The following SDK1 variants were observed in gnomAD, a reference collection of about 807,000 sequenced individuals.
SDK1 encodes the protein protein sidekick-1.
In SDK1, 157 loss-of-function variants were observed where a neutral mutation model predicts 245.5. The observed-to-expected ratio is 0.64, with a 90% CI of 0.56 to 0.73. SDK1 has a LOEUF of 0.73. Ranked by LOEUF, SDK1 falls within the 30% of genes least tolerant of loss-of-function variation. SDK1 has a pLI of 0.00. For missense variants in SDK1, 3,583 were observed against 3,002.3 expected (o/e 1.19, Z -4.52); for synonymous variants, 1,647 against 1,278.5 (o/e 1.29, Z -6.15).
intron 14 of SDK1, among the ~76,000 whole-genome samples, chr7:4,010,325 G>A (rs548198427): frequency 7.2e-5 from 11 of 152,126 alleles, no homozygotes; most frequent in Admixed American, 4.6e-4. Context: ...AGAACCTTCG[G>A]AAGCCTTGCC....
At chr7:3,705,661 C>T (rs563807110) in intron 4 of SDK1, among the ~76,000 whole-genome samples, 24 of 151,888 alleles carry the variant, frequency 1.6e-4, no homozygotes, top group Non-Finnish European at 2.6e-4. Context: ...TTAGAGGAGT[C>T]TTTAGGGTTT....
At chr7:3,662,588 T>C (rs567518942) in intron 4 of SDK1, among the ~76,000 whole-genome samples, 284 of 152,280 alleles carry the variant, frequency 1.9e-3, no homozygotes, top group Non-Finnish European at 2.9e-3. Context: ...GCGGGGACGA[T>C]TGGGAGCTCA....
intron 2 of SDK1, among the ~76,000 whole-genome samples, chr7:3,624,444 C>T (rs1226027872): frequency 6.6e-6 from 1 of 152,102 alleles, no homozygotes; most frequent in Admixed American, 6.5e-5. Flanking sequence ...AGTGATCTGC[C>T]AGCCTTGACC....
chr7:3,999,116 C>A (rs1273449506), intron 14 of SDK1, among the ~76,000 whole-genome samples: 1 of 152,070 alleles, frequency 6.6e-6, no homozygotes, highest in Non-Finnish European at 1.5e-5. Flanking sequence ...TAGGAGATAT[C>A]TCTCCCCAAA....
At chr7:3,873,326 G>A (rs986709538) in intron 5 of SDK1, among the ~76,000 whole-genome samples, 1 of 152,078 alleles carries the variant, frequency 6.6e-6, no homozygotes, top group Non-Finnish European at 1.5e-5. Context: ...TTGCTCCTCT[G>A]TAGGCAATAT....
chr7:4,201,452 C>T (rs1783874532), intron 35 of SDK1, among the ~76,000 whole-genome samples: 1 of 152,180 alleles, frequency 6.6e-6, no homozygotes, highest in Non-Finnish European at 1.5e-5. Context: ...GAGGAATATA[C>T]AATTTTTAAA....
chr7:3,627,143 C>T (rs74756425), intron 2 of SDK1, among the ~76,000 whole-genome samples: 6 of 151,970 alleles, frequency 3.9e-5, no homozygotes, highest in African/African-American at 7.3e-5. Context: ...TGCCGAGGCT[C>T]GTCTCAAACT....
At chr7:4,071,205 A>C (rs1040091678) in intron 20 of SDK1, among the ~76,000 whole-genome samples, 13 of 151,238 alleles carry the variant, frequency 8.6e-5, no homozygotes, top group Admixed American at 5.3e-4. Context: ...TTGTATTTTT[A>C]GTAGAGACAG....
chr7:3,525,177 C>T (rs1406954197), intron 1 of SDK1, among the ~76,000 whole-genome samples: 2 of 151,880 alleles, frequency 1.3e-5, no homozygotes, highest in Non-Finnish European at 2.9e-5. Flanking sequence ...ACTTGAGCAT[C>T]TGAGGTTTTG....
Position 3,773,777 on chromosome 7 carries a change from A to AGG in SDK1, c.714-47672_714-47671dup, listed in dbSNP as rs146928481. ...TAAGGTGTATACTTAAGTTCTTCTC[A>AGG]GGTCTTTTCTGAGCCTCTGCCTTTT... On this transcript the variant is annotated intron_variant, in intron 4 of 44. Transcript: ENST00000404826. Among the ~76,000 whole-genome samples the AGG allele has an allele frequency of 4.9e-3, 748 of 152,262 alleles. 6 individuals are homozygous for AGG. The highest frequency in any genetic ancestry group is 0.017 in the African/African-American group (723 of 41,552).
At chr7:3,943,302 G>T (rs566634014) in intron 5 of SDK1, among the ~76,000 whole-genome samples, 1 of 53,456 alleles carries the variant, frequency 1.9e-5, no homozygotes, top group Non-Finnish European at 3.8e-5. Flanking sequence ...AGCTGTGGCC[G>T]GACTTCCCGC....
intron 1 of SDK1, among the ~76,000 whole-genome samples, chr7:3,479,731 G>A (rs912526495): frequency 4.0e-5 from 6 of 151,862 alleles, no homozygotes; most frequent in Non-Finnish European, 7.4e-5. Context: ...GCATGGTGGC[G>A]TGTGCATGTA....
chr7:3,611,451 A>G (rs940107481), intron 1 of SDK1, among the ~76,000 whole-genome samples: 1 of 152,196 alleles, frequency 6.6e-6, no homozygotes, highest in African/African-American at 2.4e-5. Context: ...GGCAGCCTGA[A>G]CTGCCCTGTC....
intron 5 of SDK1, among the ~76,000 whole-genome samples, chr7:3,824,130 G>C (rs1053955356): frequency 3.9e-5 from 6 of 152,024 alleles, no homozygotes; most frequent in African/African-American, 1.5e-4. Flanking sequence ...CCCTGCTCCT[G>C]GTGAGGGTGT....
chr7:3,382,040 A>G (rs959983861), intron 1 of SDK1, among the ~76,000 whole-genome samples: 2 of 152,204 alleles, frequency 1.3e-5, no homozygotes, highest in African/African-American at 4.8e-5. Context: ...CTCAGTCAAA[A>G]AGCTAAACAC....
intron 2 of SDK1, among the ~76,000 whole-genome samples, chr7:3,634,478 G>T: frequency 6.6e-6 from 1 of 152,184 alleles, no homozygotes; most frequent in African/African-American, 2.4e-5. Context: ...GGAAAACACT[G>T]TGTTAGTTGA....
chr7:3,557,875 T>A (rs1015154388), intron 1 of SDK1, among the ~76,000 whole-genome samples: 1 of 152,206 alleles, frequency 6.6e-6, no homozygotes, highest in Non-Finnish European at 1.5e-5. Flanking sequence ...GTTGAGACAT[T>A]GCATTCCTAG....
intron 35 of SDK1, among the ~76,000 whole-genome samples, chr7:4,198,191 T>G (rs1038902413): frequency 6.6e-6 from 1 of 152,192 alleles, no homozygotes; most frequent in African/African-American, 2.4e-5. Flanking sequence ...AGCTCCTGTT[T>G]CCTGCAGGGT....
At chr7:3,432,302 A>G (rs1460933261) in intron 1 of SDK1, among the ~76,000 whole-genome samples, 3 of 151,882 alleles carry the variant, frequency 2.0e-5, no homozygotes, top group Admixed American at 2.0e-4. Flanking sequence ...GCATTGGGAC[A>G]CTGGCAGCAT....
Sources: gnomAD v4.1 joint callset for allele counts (sites outside exome capture counted in the v4.1 genomes callset) on GRCh38, gnomAD v4.1.1 for gene constraint, MANE v1.5 for transcripts, NCBI Gene and HGNC (gene_info 2026-07-23, HGNC 2026-07-21) for gene names.